The following PLEKHA7 variants were observed in gnomAD, a reference collection of about 807,000 sequenced individuals.
The protein encoded by PLEKHA7 is pleckstrin homology domain-containing family A member 7.
A neutral mutation model predicts 170.0 loss-of-function variants in PLEKHA7; 104 were observed. That is an observed-to-expected ratio of 0.61 (90% confidence interval 0.52 to 0.72). The LOEUF is 0.72. PLEKHA7 is among the 30% of genes least tolerant of loss of function. PLEKHA7 has a pLI of 0.00. For missense variants in PLEKHA7, 1,615 were observed against 1,671.7 expected (o/e 0.97, Z 0.59); for synonymous variants, 648 against 660.8 (o/e 0.98, Z 0.30).
chr11:16,942,622 G>A (rs1215853362), intron 3 of PLEKHA7, among the ~76,000 whole-genome samples: 3 of 152,214 alleles, frequency 2.0e-5, no homozygotes, highest in Admixed American at 6.5e-5. Flanking sequence ...AAGAAGCAGA[G>A]TGGCAGAGAG....
chr11:16,862,622 C>G (rs1423261899), intron 4 of PLEKHA7, among the ~76,000 whole-genome samples: 1 of 152,194 alleles, frequency 6.6e-6, no homozygotes, highest in Admixed American at 6.5e-5. Flanking sequence ...CCAGCACAGA[C>G]AGAGCCAAAG....
chr11:17,003,661 G>A (rs527743286), intron 3 of PLEKHA7, among the ~76,000 whole-genome samples: 1 of 152,300 alleles, frequency 6.6e-6, no homozygotes, highest in South Asian at 2.1e-4. Flanking sequence ...AGGTGAATTA[G>A]AGTCTAGGTA....
rs374983325 is a variant in PLEKHA7, at chr11:16,789,766, G to A, written c.3156+9C>T. On this transcript the variant is annotated intron_variant, in intron 22 of 26. Transcript: ENST00000531066. The surrounding 1 kb of genome is among the most constrained non-coding windows in gnomAD (Gnocchi z 4.6). ...GCAGGGAGGTCCTCGACAGCTCAAG[G>A]CCACTCACAGGGAAGGTCGCCTTGC... is the stretch of plus-strand genomic sequence containing the variant. The A allele has an allele frequency of 1.7e-5, 27 of 1,610,068 alleles. No individual in the cohort carries two copies. In the East Asian group the frequency reaches 4.5e-4, roughly 27 times the overall value.
chr11:16,877,601 T>C (rs1193570240), intron 3 of PLEKHA7, among the ~76,000 whole-genome samples: 1 of 152,202 alleles, frequency 6.6e-6, no homozygotes, highest in African/African-American at 2.4e-5. Flanking sequence ...TTTGACAATA[T>C]CAAGATTTGC....
At chr11:16,893,318 G>A (rs1054592077) in intron 3 of PLEKHA7, among the ~76,000 whole-genome samples, 1 of 152,182 alleles carries the variant, frequency 6.6e-6, no homozygotes, top group African/African-American at 2.4e-5. Context: ...TGGGCATTTA[G>A]TTTGTTCAAG....
chr11:16,897,894 C>T (rs1469287477), intron 3 of PLEKHA7, among the ~76,000 whole-genome samples: 3 of 152,146 alleles, frequency 2.0e-5, no homozygotes, highest in African/African-American at 4.8e-5. Flanking sequence ...ATGACAAACG[C>T]TCATTTCAGG....
At chr11:16,874,146 G>A (rs1331038994) in intron 3 of PLEKHA7, among the ~76,000 whole-genome samples, 4 of 152,174 alleles carry the variant, frequency 2.6e-5, no homozygotes, top group Non-Finnish European at 5.9e-5. Context: ...TTTTAGAGAG[G>A]TGAATAGCTC....
At chr11:16,847,692 A>T (rs1341219346) in intron 8 of PLEKHA7, among the ~76,000 whole-genome samples, 1 of 152,028 alleles carries the variant, frequency 6.6e-6, no homozygotes, top group African/African-American at 2.4e-5. Context: ...AACAAAAAAA[A>T]TTAGCTGGGC....
chr11:16,944,511 C>CA (rs1425866287), intron 3 of PLEKHA7, among the ~76,000 whole-genome samples: 647 of 61,692 alleles, frequency 0.01, no homozygotes, highest in Middle Eastern at 0.032. Context: ...AACCCTGTCT[C>CA]AAAAAAAAAA....
chr11:16,780,290 TCTCATCA>T (rs1487999911), intron 26 of PLEKHA7, among the ~76,000 whole-genome samples: 2 of 152,182 alleles, frequency 1.3e-5, no homozygotes, highest in African/African-American at 2.4e-5. Flanking sequence ...CCACACTGCC[TCTCATCA>T]CTAGATGCCC....
At chr11:16,870,525 C>T (rs897044086) in intron 4 of PLEKHA7, among the ~76,000 whole-genome samples, 5 of 151,168 alleles carry the variant, frequency 3.3e-5, no homozygotes, top group African/African-American at 4.9e-5. Context: ...GCGACTTGGG[C>T]GGCTGAGACA....
chr11:16,882,357 T>G (rs1002252832), intron 3 of PLEKHA7, among the ~76,000 whole-genome samples: 1 of 152,210 alleles, frequency 6.6e-6, no homozygotes, highest in African/African-American at 2.4e-5. Flanking sequence ...AAGCTCAAGC[T>G]TTAGGGCCCC....
chr11:16,789,614 C>A lies in PLEKHA7; in HGVS notation c.3156+161G>T. ...AGGCCAGAGAGAAAGGCAGGATGCC[C>A]TCCTTGGTGGACAGTGGGTGACAGG... On this transcript the variant is annotated intron_variant, in intron 22 of 26. Transcript: ENST00000531066. The surrounding 1 kb of genome is among the most constrained non-coding windows in gnomAD (Gnocchi z 4.6). 2 of 660,538 alleles carry A rather than the reference C, an allele frequency of 3.0e-6. No homozygotes were observed. The highest frequency in any genetic ancestry group is 5.1e-6 in the Non-Finnish European group (2 of 389,510). The allele number at this position is 660,538 out of a possible 1,614,324, so 40.9% of individuals were successfully genotyped here. A position where few individuals can be genotyped will look rare whatever the true frequency, so the allele number is the denominator to read the frequency against.
chr11:16,978,892 C>T (rs1238711879), intron 3 of PLEKHA7, among the ~76,000 whole-genome samples: 3 of 152,178 alleles, frequency 2.0e-5, no homozygotes, highest in African/African-American at 7.2e-5. Context: ...ATATGCCTCC[C>T]CTTGTCTCCC....
At chr11:16,872,296 A>G (rs1854921787) in intron 3 of PLEKHA7, among the ~76,000 whole-genome samples, 1 of 151,878 alleles carries the variant, frequency 6.6e-6, no homozygotes, top group Admixed American at 6.6e-5. Context: ...GTAGAAAGTA[A>G]AAAGTCACCC....
intron 4 of PLEKHA7, among the ~76,000 whole-genome samples, chr11:16,863,853 G>C (rs548522140): frequency 1.4e-4 from 18 of 126,898 alleles, no homozygotes; most frequent in African/African-American, 4.5e-4. Context: ...AAGTCACTGA[G>C]AATCAGGAAA....
intron 3 of PLEKHA7, among the ~76,000 whole-genome samples, chr11:16,887,527 G>A (rs1856224465): frequency 6.6e-6 from 1 of 152,214 alleles, no homozygotes; most frequent in African/African-American, 2.4e-5. Context: ...CCCAGTGCCT[G>A]GGATTGCAGG....
chr11:16,936,076 A>G (rs1215315356), intron 3 of PLEKHA7, among the ~76,000 whole-genome samples: 1 of 152,136 alleles, frequency 6.6e-6, no homozygotes, highest in Non-Finnish European at 1.5e-5. Context: ...CTGAATAGAG[A>G]AAGTTTAATA....
chr11:16,826,728 T>A, intron 9 of PLEKHA7, 138 bp from the exon 10 acceptor site: 1 of 771,680 alleles, frequency 1.3e-6, no homozygotes. Flanking sequence ...ATGTCCTCAC[T>A]CTGCCTGCCT....
Sources: allele counts gnomAD v4.1 joint callset (sites outside exome capture counted in the v4.1 genomes callset), GRCh38; gene constraint gnomAD v4.1.1; non-coding constraint Gnocchi (gnomAD v3.1); transcripts MANE v1.5; gene names NCBI Gene and HGNC (gene_info 2026-07-23, HGNC 2026-07-21).